The following MALL variants were observed in gnomAD, a reference collection of about 807,000 sequenced individuals.
MALL encodes the protein mal, T cell differentiation protein like, also known as MAL-like protein.
MALL carries 2 observed loss-of-function variants against 10.3 expected under a neutral mutation model. The observed-to-expected ratio is 0.19, with a 90% CI of 0.08 to 0.61. The LOEUF (loss-of-function observed/expected upper bound fraction) is 0.61, where lower values mean the gene tolerates loss of function less well. Ranked by LOEUF, MALL falls within the 20% of genes least tolerant of loss-of-function variation. The pLI is 0.88. For synonymous variants in MALL, 27 were observed against 51.8 expected (o/e 0.52, Z 2.05); for missense variants, 39 against 115.2 (o/e 0.34, Z 3.03).
intron 1 of MALL, among the ~76,000 whole-genome samples, chr2:110,096,710 T>TACACACAC (rs61332655): frequency 0.052 from 7,258 of 140,860 alleles, 311 homozygotes; most frequent in African/African-American, 0.1. Flanking sequence ...AAAATGTACC[T>TACACACAC]ACACACACAC....
chr2:110,096,301 C>T (rs1451095631), intron 1 of MALL, among the ~76,000 whole-genome samples: 1 of 152,114 alleles, frequency 6.6e-6, no homozygotes, highest in African/African-American at 2.4e-5. Flanking sequence ...AGTCCATGCA[C>T]CATGCAGCGC....
intron 1 of MALL, among the ~76,000 whole-genome samples, chr2:110,110,704 C>T (rs1258569014): frequency 1.3e-5 from 2 of 152,062 alleles, no homozygotes; most frequent in Non-Finnish European, 2.9e-5. Context: ...AGGAACCCTC[C>T]CTAATTCATT....
chr2:110,114,234 GC>G (rs1678863018), intron 1 of MALL, among the ~76,000 whole-genome samples: 1 of 152,020 alleles, frequency 6.6e-6, no homozygotes, highest in East Asian at 1.9e-4. Context: ...TTGGTGGCAG[GC>G]CTGGACCCCT....
intron 1 of MALL, among the ~76,000 whole-genome samples, chr2:110,112,428 T>C (rs1032261766): frequency 6.6e-6 from 1 of 152,022 alleles, no homozygotes; most frequent in Non-Finnish European, 1.5e-5. Flanking sequence ...GCCAAGGACA[T>C]GAATAGACAA....
At chr2:110,110,607 G>A (rs1398910714) in intron 1 of MALL, among the ~76,000 whole-genome samples, 2 of 151,946 alleles carry the variant, frequency 1.3e-5, no homozygotes, top group South Asian at 2.1e-4. Flanking sequence ...GTCCAAGAAC[G>A]GATGGATTCG....
At chr2:110,105,366 C>A (rs1174861394) in intron 1 of MALL, among the ~76,000 whole-genome samples, 1 of 152,204 alleles carries the variant, frequency 6.6e-6, no homozygotes, top group Non-Finnish European at 1.5e-5. Flanking sequence ...CAGCCCAAGG[C>A]CTTCCCTTTC....
intron 1 of MALL, among the ~76,000 whole-genome samples, chr2:110,108,692 A>G (rs550394522): frequency 1.7e-4 from 26 of 152,292 alleles, no homozygotes; most frequent in Admixed American, 4.6e-4. Context: ...CACAAAGAAC[A>G]CCTGGGAAAT....
chr2:110,100,593 C>T (rs546099918), intron 1 of MALL, among the ~76,000 whole-genome samples: 2 of 152,184 alleles, frequency 1.3e-5, no homozygotes, highest in African/African-American at 2.4e-5. Flanking sequence ...CACCCACACC[C>T]GCCTGTAGTG....
chr2:110,092,700 T>TATG (rs1678396729), intron 1 of MALL, among the ~76,000 whole-genome samples: 1 of 127,144 alleles, frequency 7.9e-6, no homozygotes, highest in Non-Finnish European at 1.8e-5. Flanking sequence ...AAACTTAAAG[T>TATG]ATAATAATAA....
At chr2:110,108,134 T>A (rs1678732455) in intron 1 of MALL, among the ~76,000 whole-genome samples, 1 of 152,066 alleles carries the variant, frequency 6.6e-6, no homozygotes, top group Admixed American at 6.6e-5. Flanking sequence ...GGATCTTCAA[T>A]ACCCCCCAAA....
chr2:110,106,347 C>T (rs1169031790), intron 1 of MALL, among the ~76,000 whole-genome samples: 1 of 152,118 alleles, frequency 6.6e-6, no homozygotes, highest in African/African-American at 2.4e-5. Context: ...CCCCCAGCAC[C>T]CGCAGACAGC....
At chr2:110,114,497 A>C (rs1054193209) in intron 1 of MALL, among the ~76,000 whole-genome samples, 1 of 151,862 alleles carries the variant, frequency 6.6e-6, no homozygotes, top group African/African-American at 2.4e-5. Flanking sequence ...AGGACTCATC[A>C]GAGCACGGTT....
At chr2:110,111,391 T>A (rs1417695455) in intron 1 of MALL, among the ~76,000 whole-genome samples, 1 of 152,148 alleles carries the variant, frequency 6.6e-6, no homozygotes, top group Admixed American at 6.5e-5. Context: ...ACAAGATTAA[T>A]GTACACAAAT....
chr2:110,095,548 G>A (rs1239218356), intron 1 of MALL, among the ~76,000 whole-genome samples: 1 of 152,016 alleles, frequency 6.6e-6, no homozygotes. Flanking sequence ...TGTTTAGAAA[G>A]TGGTTAAGAA....
Position 110,115,133 on chromosome 2 carries a change from AG to A in MALL, c.105+554del, listed in dbSNP as rs377747412. ...TACCTGGTGTGGGAGACCCCACAAA[AG>A]TCAAAGTTCAAAGTCAGCGGACGTG... On this transcript the variant is annotated intron_variant, in intron 1 of 3. Transcript: ENST00000272462. Among the ~76,000 whole-genome samples, 218 of 152,304 alleles carry A rather than the reference AG, an allele frequency of 1.4e-3. 1 individual carries two copies. Among genetic ancestry groups the A allele is most frequent in the African/African-American group, 5.1e-3 (210 of 41,570 alleles).
At position 110,099,445 on chromosome 2, in the gene MALL, A is replaced by G. The variant is rs752864858; in HGVS notation, c.106-7675T>C. Among the ~76,000 whole-genome samples, 19 of 152,218 alleles carry G rather than the reference A, an allele frequency of 1.2e-4. 1 individual carries two copies. Among genetic ancestry groups the G allele is most frequent in the Non-Finnish European group, 2.6e-4 (18 of 68,028 alleles). ...GAGGGTCCACTGTGTTTTCAGTGTC[A>G]AAATTATCTTCCATCAAGTTGATAA... is the stretch of plus-strand genomic sequence containing the variant. On this transcript the variant is annotated intron_variant, in intron 1 of 3. Coordinates refer to ENST00000272462, the MANE Select transcript of MALL (RefSeq NM_005434.5).
At position 110,112,916 on chromosome 2, in the gene MALL, T is replaced by C. The variant is rs539368069; in HGVS notation, c.105+2772A>G. Among the ~76,000 whole-genome samples, 25 of 150,568 alleles carry C rather than the reference T, an allele frequency of 1.7e-4. 1 individual carries two copies. In the South Asian group the frequency reaches 5.0e-3, roughly 30 times the overall value. On this transcript the variant is annotated intron_variant, in intron 1 of 3. Coordinates refer to ENST00000272462, the MANE Select transcript of MALL (RefSeq NM_005434.5). ...TATATAAATATATACATATATATGATGGAATACTATGCAGCCACAAAAAGG... is the reference window on the plus strand; with the variant it reads ...TATATAAATATATACATATATATGACGGAATACTATGCAGCCACAAAAAGG...
intron 1 of MALL, chr2:110,097,418 C>G (rs748310446): frequency 4.4e-6 from 2 of 451,864 alleles, no homozygotes; most frequent in Admixed American, 4.8e-5. Flanking sequence ...AAGAAAGTCG[C>G]GTGGGCACTG....
chr2:110,101,513 G>A (rs1559030975), intron 1 of MALL, among the ~76,000 whole-genome samples: 1 of 152,142 alleles, frequency 6.6e-6, no homozygotes, highest in African/African-American at 2.4e-5. Flanking sequence ...GTGGGAACTC[G>A]CGTCCGCAGC....
Sources: allele counts gnomAD v4.1 joint callset (sites outside exome capture counted in the v4.1 genomes callset), GRCh38; gene constraint gnomAD v4.1.1; transcripts MANE v1.5; gene names NCBI Gene and HGNC (gene_info 2026-07-23, HGNC 2026-07-21).